The following RAB38 variants were observed in gnomAD, a reference collection of about 807,000 sequenced individuals.
RAB38 encodes the protein ras-related protein Rab-38.
In RAB38, 15 loss-of-function variants were observed where a neutral mutation model predicts 18.4. The ratio of observed to expected loss-of-function variants is 0.82; its 90% CI spans 0.55 to 1.26. The LOEUF is 1.26. Ranked by LOEUF, RAB38 falls within the 50% of genes most tolerant of loss-of-function variation. The probability of loss-of-function intolerance (pLI) is 0.00; values close to 1 mark genes in which losing one functional copy is unlikely to be tolerated. For synonymous variants in RAB38, 101 were observed against 104.4 expected (o/e 0.97, Z 0.20); for missense variants, 294 against 267.4 (o/e 1.10, Z -0.69).
At chr11:87,847,912 G>T in the RAB38 span, among the ~76,000 whole-genome samples, 1 of 152,044 alleles carries the variant, frequency 6.6e-6, no homozygotes, top group African/African-American at 2.4e-5. Flanking sequence ...AAAGAGCTAA[G>T]AGAATACAAA....
At chr11:88,105,218 A>AG in the RAB38 span, among the ~76,000 whole-genome samples, 1 of 151,738 alleles carries the variant, frequency 6.6e-6, no homozygotes, top group Non-Finnish European at 1.5e-5. Context: ...ATTCCAAAAA[A>AG]GTATTCATGT....
At chr11:88,106,051 T>G in the RAB38 span, among the ~76,000 whole-genome samples, 1 of 152,136 alleles carries the variant, frequency 6.6e-6, no homozygotes, top group African/African-American at 2.4e-5. Flanking sequence ...GAAACAGTCT[T>G]CTTTTCTTGA....
At chr11:87,832,231 A>G in the RAB38 span, among the ~76,000 whole-genome samples, 105 of 152,214 alleles carry the variant, frequency 6.9e-4, no homozygotes, top group African/African-American at 1.4e-4. Flanking sequence ...CTTACACTCT[A>G]TGAGGAAGAC....
chr11:88,067,526 T>C, the RAB38 span, among the ~76,000 whole-genome samples: 136 of 152,310 alleles, frequency 8.9e-4, no homozygotes, highest in African/African-American at 3.2e-3. Flanking sequence ...ATAACATTGA[T>C]TGGGTCTTAA....
chr11:87,844,910 T>G, the RAB38 span, among the ~76,000 whole-genome samples: 24 of 152,188 alleles, frequency 1.6e-4, no homozygotes, highest in Non-Finnish European at 2.8e-4. Context: ...GACACACATG[T>G]GTGGGCACAT....
the RAB38 span, among the ~76,000 whole-genome samples, chr11:87,862,515 G>T: frequency 3.3e-5 from 5 of 152,032 alleles, no homozygotes; most frequent in East Asian, 7.8e-4. Context: ...TCAGAGGGTA[G>T]AGGGTGGGAG....
the RAB38 span, among the ~76,000 whole-genome samples, chr11:87,874,937 C>T: frequency 1.3e-5 from 2 of 151,316 alleles, no homozygotes; most frequent in Non-Finnish European, 3.0e-5. Flanking sequence ...CCAGTCATCC[C>T]ACTTCTGGGT....
the RAB38 span, among the ~76,000 whole-genome samples, chr11:87,931,296 T>C: frequency 6.6e-6 from 1 of 152,106 alleles, no homozygotes; most frequent in Non-Finnish European, 1.5e-5. Context: ...GGAAGATAGA[T>C]GCAAGTTGGT....
chr11:88,112,344 T>C (rs1175283808), downstream of RAB38, among the ~76,000 whole-genome samples: 1 of 152,218 alleles, frequency 6.6e-6, no homozygotes, highest in Non-Finnish European at 1.5e-5. Context: ...AAGCCTCACC[T>C]TAAAACTTCC....
At chr11:88,043,021 CAG>C in the RAB38 span, among the ~76,000 whole-genome samples, 1 of 136,346 alleles carries the variant, frequency 7.3e-6, no homozygotes, top group South Asian at 2.5e-4. Flanking sequence ...CACACACACA[CAG>C]AGCAATAAAC....
chr11:88,072,234 C>T, the RAB38 span, among the ~76,000 whole-genome samples: 1 of 152,114 alleles, frequency 6.6e-6, no homozygotes, highest in Non-Finnish European at 1.5e-5. Flanking sequence ...GTGGAATTTG[C>T]TAGAAATAAT....
the RAB38 span, among the ~76,000 whole-genome samples, chr11:88,034,158 C>T: frequency 4.6e-5 from 7 of 152,028 alleles, no homozygotes. Flanking sequence ...TGTATGTAAC[C>T]ATTTGGGATT....
At chr11:88,042,356 T>C in the RAB38 span, among the ~76,000 whole-genome samples, 1 of 152,130 alleles carries the variant, frequency 6.6e-6, no homozygotes, top group African/African-American at 2.4e-5. Flanking sequence ...TAGGATGTGT[T>C]GAGAAGCTGG....
chr11:87,936,765 G>A, the RAB38 span, among the ~76,000 whole-genome samples: 1 of 151,942 alleles, frequency 6.6e-6, no homozygotes, highest in Non-Finnish European at 1.5e-5. Flanking sequence ...TATCAATTTG[G>A]GGAGAACTGA....
intron 1 of RAB38, among the ~76,000 whole-genome samples, chr11:88,156,742 C>T (rs1174855141): frequency 6.6e-6 from 1 of 152,008 alleles, no homozygotes; most frequent in African/African-American, 2.4e-5. Context: ...AAACTAAGTT[C>T]GTAAGTGAAG....
At chr11:88,012,067 C>T in the RAB38 span, among the ~76,000 whole-genome samples, 1 of 152,168 alleles carries the variant, frequency 6.6e-6, no homozygotes, top group African/African-American at 2.4e-5. Context: ...CACCTTAATC[C>T]TGGCCTGCCA....
At chr11:88,076,749 T>C in the RAB38 span, among the ~76,000 whole-genome samples, 1 of 149,094 alleles carries the variant, frequency 6.7e-6, no homozygotes, top group Non-Finnish European at 1.5e-5. Flanking sequence ...GATCAGTAGT[T>C]CAAGACTGGC....
chr11:87,825,765 A>C, the RAB38 span, among the ~76,000 whole-genome samples: 6,012 of 152,186 alleles, frequency 0.04, 132 homozygotes, highest in Middle Eastern at 0.078. Context: ...AAGTGGAGAG[A>C]TTATTGATTG....
At chr11:88,103,829 C>T in the RAB38 span, among the ~76,000 whole-genome samples, 5 of 152,122 alleles carry the variant, frequency 3.3e-5, no homozygotes, top group Non-Finnish European at 7.4e-5. Flanking sequence ...TGAGATCCTG[C>T]AGGAGGGAGG....
Sources: allele counts gnomAD v4.1 joint callset (sites outside exome capture counted in the v4.1 genomes callset), GRCh38; gene constraint gnomAD v4.1.1; transcripts MANE v1.5; gene names NCBI Gene and HGNC (gene_info 2026-07-23, HGNC 2026-07-21).